SERPINI2: variants seen among roughly 807,000 people sequenced by gnomAD.
SERPINI2 encodes the protein serpin family I member 2, also known as serpin I2.
SERPINI2 carries 48 observed loss-of-function variants against 47.3 expected under a neutral mutation model. The ratio of observed to expected loss-of-function variants is 1.02; its 90% confidence interval spans 0.81 to 1.29. The LOEUF is 1.29. SERPINI2 is among the 50% of genes most tolerant of loss of function. The pLI, the probability that SERPINI2 is intolerant of heterozygous loss-of-function variation, is 0.00. For synonymous variants in SERPINI2, 135 were observed against 149.3 expected, an observed-to-expected ratio of 0.90 and a Z score of 0.70; for missense variants, 448 against 456.9, an observed-to-expected ratio of 0.98 and a Z score of 0.18.
At chr3:167,450,456 G>A (rs1010085542) in intron 6 of SERPINI2, among the ~76,000 whole-genome samples, 1 of 152,188 alleles carries the variant, frequency 6.6e-6, no homozygotes, top group Non-Finnish European at 1.5e-5. Flanking sequence ...TGCAAGACAA[G>A]ATAGATCTGA....
At chr3:167,465,515 T>C in exon 4 of SERPINI2, 1 of 1,613,838 alleles carries the variant, frequency 6.2e-7, no homozygotes, top group Non-Finnish European at 8.5e-7. Flanking sequence ...ATCATTGGAA[T>C]TTTGACAGTT....
exon 9 of SERPINI2, chr3:167,442,126 C>A: frequency 6.2e-7 from 1 of 1,603,876 alleles, no homozygotes; most frequent in Non-Finnish European, 8.5e-7. Flanking sequence ...GAATCTAAAT[C>A]TCTTCCTTTT....
chr3:167,465,808 T>C (rs1361194589), intron 3 of SERPINI2, 135 bp from the exon 4 acceptor site: 2 of 657,156 alleles, frequency 3.0e-6, no homozygotes, highest in Admixed American at 6.6e-5. Context: ...CTAAATATGG[T>C]AATTTTGAGA....
At chr3:167,473,094 A>T (rs910783418) in intron 1 of SERPINI2, among the ~76,000 whole-genome samples, 1 of 151,728 alleles carries the variant, frequency 6.6e-6, no homozygotes, top group African/African-American at 2.4e-5. Context: ...GATTACTAAT[A>T]GTCAAATATT....
intron 5 of SERPINI2, among the ~76,000 whole-genome samples, chr3:167,454,897 C>T (rs920631459): frequency 2.0e-5 from 3 of 152,080 alleles, no homozygotes; most frequent in Non-Finnish European, 4.4e-5. Flanking sequence ...GGCATTATTT[C>T]CATTAACGTA....
At chr3:167,465,181 C>A in intron 5 of SERPINI2, 25 bp downstream of exon 5, 4 of 1,577,588 alleles carry the variant, frequency 2.5e-6, no homozygotes, top group Non-Finnish European at 3.4e-6. Context: ...CGTAAGAACT[C>A]GTATAATAAA....
chr3:167,474,906 G>A (rs1292689943), upstream of SERPINI2, among the ~76,000 whole-genome samples: 3 of 151,522 alleles, frequency 2.0e-5, no homozygotes, highest in Non-Finnish European at 4.4e-5. Flanking sequence ...AATATCTGTT[G>A]ATCCCCAAAT....
intron 5 of SERPINI2, among the ~76,000 whole-genome samples, chr3:167,456,212 AACGTC>A: frequency 6.8e-6 from 1 of 147,468 alleles, no homozygotes; most frequent in South Asian, 2.1e-4. Flanking sequence ...ATACTCTATT[AACGTC>A]ACAGGCTGAA....
At chr3:167,462,301 G>A (rs1750004408) in intron 5 of SERPINI2, among the ~76,000 whole-genome samples, 2 of 152,130 alleles carry the variant, frequency 1.3e-5, no homozygotes, top group Non-Finnish European at 2.9e-5. Flanking sequence ...TACAAACTGG[G>A]TATCTTAAAT....
At chr3:167,443,103 T>G (rs1478312988) in intron 8 of SERPINI2, among the ~76,000 whole-genome samples, 1 of 152,212 alleles carries the variant, frequency 6.6e-6, no homozygotes, top group Non-Finnish European at 1.5e-5. Flanking sequence ...TTTATTTTTT[T>G]GTTTTGTTTT....
At chr3:167,448,759 T>C (rs1749555700) in intron 7 of SERPINI2, among the ~76,000 whole-genome samples, 1 of 152,124 alleles carries the variant, frequency 6.6e-6, no homozygotes, top group Non-Finnish European at 1.5e-5. Context: ...CCTGACCTCG[T>C]GATCCACCCG....
At chr3:167,454,558 T>C in intron 5 of SERPINI2, among the ~76,000 whole-genome samples, 1 of 152,190 alleles carries the variant, frequency 6.6e-6, no homozygotes, top group Non-Finnish European at 1.5e-5. Context: ...GTGGAGAATA[T>C]ATGTTCTAAT....
At chr3:167,453,662 GGGGT>G (rs1560231699) in intron 5 of SERPINI2, among the ~76,000 whole-genome samples, 38 of 148,782 alleles carry the variant, frequency 2.6e-4, no homozygotes, top group African/African-American at 9.5e-4. Flanking sequence ...GGAGTGGGGG[GGGGT>G]GGGCAAAAAA....
chr3:167,476,186 T>C (rs995308685), upstream of SERPINI2, among the ~76,000 whole-genome samples: 3 of 151,838 alleles, frequency 2.0e-5, no homozygotes, highest in Non-Finnish European at 4.4e-5. Context: ...GGATCATAAG[T>C]AATTGAATCT....
chr3:167,463,199 A>G (rs1193647238), intron 5 of SERPINI2, among the ~76,000 whole-genome samples: 7 of 152,208 alleles, frequency 4.6e-5, no homozygotes, highest in Non-Finnish European at 8.8e-5. Flanking sequence ...ATTTGAAAAT[A>G]AACAATTTAA....
At chr3:167,470,740 T>G (rs1479529726) in intron 2 of SERPINI2, among the ~76,000 whole-genome samples, 2 of 151,756 alleles carry the variant, frequency 1.3e-5, no homozygotes, top group Non-Finnish European at 2.9e-5. Context: ...TTTTGTATTT[T>G]TCCAGCCTGG....
chr3:167,446,369 C>G, intron 8 of SERPINI2, 23 bp downstream of exon 8: 1 of 1,498,746 alleles, frequency 6.7e-7, no homozygotes, highest in Non-Finnish European at 9.2e-7. Context: ...TCAGTTCCCC[C>G]AAATAATTCT....
chr3:167,443,252 T>C (rs1038669950), intron 8 of SERPINI2, among the ~76,000 whole-genome samples: 20 of 151,998 alleles, frequency 1.3e-4, no homozygotes, highest in Middle Eastern at 3.4e-3. Flanking sequence ...GGACTATAGG[T>C]GCCCGCCACC....
At chr3:167,470,057 TTCTC>T (rs151210357) in intron 2 of SERPINI2, among the ~76,000 whole-genome samples, 6,768 of 152,256 alleles carry the variant, frequency 0.044, 499 homozygotes, top group African/African-American at 0.15. Flanking sequence ...ACTTCTGTGT[TTCTC>T]TATATCATGT....
Sources: gnomAD v4.1 joint callset for allele counts (sites outside exome capture counted in the v4.1 genomes callset) on GRCh38, gnomAD v4.1.1 for gene constraint, MANE v1.5 for transcripts, NCBI Gene and HGNC (gene_info 2026-07-23, HGNC 2026-07-21) for gene names.